ZBTB38: variants seen among roughly 807,000 people sequenced by gnomAD.
ZBTB38 encodes zinc finger and BTB domain-containing protein 38.
A neutral mutation model predicts 76.8 loss-of-function variants in ZBTB38; 20 were observed. The ratio of observed to expected loss-of-function variants is 0.26; its 90% CI spans 0.18 to 0.38. ZBTB38 has a LOEUF of 0.38. Among genes scored for constraint, ZBTB38 ranks in the 10% least tolerant of loss-of-function variants. The pLI, the probability that ZBTB38 is intolerant of heterozygous loss-of-function variation, is 1.00. For synonymous variants in ZBTB38, 504 were observed against 544.2 expected, an observed-to-expected ratio of 0.93 and a Z score of 1.03; for missense variants, 1,082 against 1,482.3, an observed-to-expected ratio of 0.73 and a Z score of 4.43.
intron 5 of ZBTB38, among the ~76,000 whole-genome samples, chr3:141,421,278 C>CT (rs77094062): frequency 0.02 from 2,501 of 125,610 alleles, 66 homozygotes; most frequent in African/African-American, 0.047. Context: ...AAACTTCTCT[C>CT]TTTTTTTTTT....
intron 5 of ZBTB38, among the ~76,000 whole-genome samples, chr3:141,430,880 G>A (rs940034375): frequency 2.0e-5 from 3 of 152,132 alleles, no homozygotes; most frequent in African/African-American, 7.2e-5. Flanking sequence ...AGCCCTTTGG[G>A]TTCACAAGGA....
At chr3:141,439,006 C>T (rs1039537769) in intron 5 of ZBTB38, among the ~76,000 whole-genome samples, 4 of 150,324 alleles carry the variant, frequency 2.7e-5, no homozygotes, top group African/African-American at 9.8e-5. Context: ...CTTCTGCTTA[C>T]AGCATCCTTC....
At chr3:141,430,981 T>C (rs2077366498) in intron 5 of ZBTB38, among the ~76,000 whole-genome samples, 1 of 152,058 alleles carries the variant, frequency 6.6e-6, no homozygotes, top group Non-Finnish European at 1.5e-5. Context: ...TGGGGAACTC[T>C]GGGACACATC....
intron 5 of ZBTB38, among the ~76,000 whole-genome samples, chr3:141,415,126 ACACT>A (rs1244174402): frequency 1.3e-5 from 2 of 152,114 alleles, no homozygotes; most frequent in Non-Finnish European, 2.9e-5. Flanking sequence ...TGGTTTCCCT[ACACT>A]CCATTTAAAC....
At chr3:141,393,342 G>T (rs948636373) in intron 4 of ZBTB38, among the ~76,000 whole-genome samples, 1 of 152,204 alleles carries the variant, frequency 6.6e-6, no homozygotes, top group South Asian at 2.1e-4. Context: ...TGAGCATGAC[G>T]TAGAGTCCCT....
intron 2 of ZBTB38, among the ~76,000 whole-genome samples, 155 bp downstream of exon 2, chr3:141,370,101 A>G (rs777168397): frequency 4.6e-5 from 7 of 152,254 alleles, no homozygotes; most frequent in Non-Finnish European, 1.0e-4. Flanking sequence ...GGATAGGCTA[A>G]TTGTTATAAT....
At position 141,399,646 on chromosome 3, in the gene ZBTB38, C is replaced by A. The variant is rs76011057; in HGVS notation, c.-105-4281C>A. On this transcript the variant is annotated intron_variant, in intron 4 of 5. Coordinates refer to ENST00000321464, the MANE Select transcript of ZBTB38 (RefSeq NM_001376113.1). ...CACGAATTAAATTAACAGAGTGCTG[C>A]TAGTATGAGAGTTGGAATGAGTTAA... Among the ~76,000 whole-genome samples, 551 of 152,158 alleles carry A rather than the reference C, an allele frequency of 3.6e-3. 21 individuals carry two copies. In the East Asian group the frequency reaches 0.079, roughly 22 times the overall value.
At chr3:141,400,624 T>C in intron 4 of ZBTB38, among the ~76,000 whole-genome samples, 1 of 152,228 alleles carries the variant, frequency 6.6e-6, no homozygotes, top group East Asian at 1.9e-4. Flanking sequence ...TCTCACTGTT[T>C]GGATGGTAGG....
intron 1 of ZBTB38, among the ~76,000 whole-genome samples, chr3:141,339,549 G>A (rs1486579847): frequency 6.6e-6 from 1 of 152,198 alleles, no homozygotes; most frequent in Non-Finnish European, 1.5e-5. Context: ...GTAAGAAGTG[G>A]TTGAATTTGT....
Position 141,431,341 on chromosome 3 carries a change from A to AAT in ZBTB38, c.1-11035_1-11034dup, listed in dbSNP as rs1553771301. Among the ~76,000 whole-genome samples, 204 of 103,248 alleles carry AAT rather than the reference A, an allele frequency of 2.0e-3. 6 individuals are homozygous for AAT. The highest frequency in any genetic ancestry group is 4.1e-3 in the Middle Eastern group (1 of 244). 67.7% of individuals were successfully genotyped at this position (103,248 alleles called of 152,430 possible). ...TTCGTCTCAAAAAAAAAAAAAAAAA[A>AAT]ATATATATATATATTTGGGGGGGAC... On this transcript the variant is annotated intron_variant, in intron 5 of 5. Transcript: ENST00000321464.
chr3:141,365,719 T>TGGTAGGTG (rs1483260195), upstream of ZBTB38, among the ~76,000 whole-genome samples: 13 of 152,130 alleles, frequency 8.5e-5, no homozygotes, highest in Non-Finnish European at 1.6e-4. Flanking sequence ...CATCTAGGGC[T>TGGTAGGTG]GGTAGGTGGG....
chr3:141,362,025 T>C (rs1943838626), intron 1 of ZBTB38, among the ~76,000 whole-genome samples: 1 of 152,254 alleles, frequency 6.6e-6, no homozygotes, highest in Non-Finnish European at 1.5e-5. Flanking sequence ...TATAATGTAC[T>C]TGGATCTTTT....
chr3:141,421,587 G>A (rs2075384026), intron 5 of ZBTB38, among the ~76,000 whole-genome samples: 2 of 152,258 alleles, frequency 1.3e-5, no homozygotes, highest in African/African-American at 4.8e-5. Flanking sequence ...CATTCAAAGG[G>A]CTGTCGTATG....
chr3:141,381,866 G>A (rs532579567), intron 3 of ZBTB38, among the ~76,000 whole-genome samples: 1 of 152,052 alleles, frequency 6.6e-6, no homozygotes, highest in Non-Finnish European at 1.5e-5. Flanking sequence ...GAACTGGAAG[G>A]GACCTGAGAC....
intron 2 of ZBTB38, among the ~76,000 whole-genome samples, chr3:141,379,925 G>A (rs1307276956): frequency 6.6e-6 from 1 of 152,172 alleles, no homozygotes; most frequent in Non-Finnish European, 1.5e-5. Flanking sequence ...AACAAATGTA[G>A]TATGATATTT....
intron 4 of ZBTB38, chr3:141,388,104 T>C (rs1170425327): frequency 6.7e-6 from 1 of 150,348 alleles, no homozygotes; most frequent in Admixed American, 6.6e-5. Flanking sequence ...AAAAGGGAGA[T>C]TTTTTTTAAA....
chr3:141,399,538 A>C (rs1022899286), intron 4 of ZBTB38, among the ~76,000 whole-genome samples: 7 of 152,188 alleles, frequency 4.6e-5, no homozygotes, highest in Non-Finnish European at 4.4e-5. Context: ...GAAGGGAAAG[A>C]GATAAGCAGC....
rs763849194 is a variant in ZBTB38, at chr3:141,445,037, C to T, written c.2649C>T (p.Pro883=). 1.9e-6 allele frequency: 3 copies of T among 1,614,160 alleles called. No individual in the cohort carries two copies. In the Admixed American group the frequency reaches 5.0e-5, roughly 27 times the overall value. ...EPLPQGNDPE[P]SGDSPLGLCQ... is the part of the protein sequence containing the mutation. ...TGCCACAGGGGAATGACCCAGAACC[C>T]AGTGGAGACAGCCCACTCGGGCTTT... The change falls in exon 6 of 6, where the codon CCC becomes CCT. Residue 883 remains proline (P), a synonymous_variant. Coordinates refer to ENST00000321464, the MANE Select transcript of ZBTB38 (RefSeq NM_001376113.1). This position sits in a 1 kb window ranked among gnomAD's most constrained non-coding sequence, Gnocchi z 6.5.
Position 141,444,916 on chromosome 3 carries a change from T to C in ZBTB38, c.2528T>C (p.Ile843Thr). Residue 843 changes from isoleucine (I) to threonine (T), a missense_variant, in exon 6 of 6, where the codon ATT becomes ACT. Physicochemically the swap from Ile to Thr is moderately conservative, Grantham distance 89. Coordinates refer to ENST00000321464, the MANE Select transcript of ZBTB38 (RefSeq NM_001376113.1). This position sits in a 1 kb window ranked among gnomAD's most constrained non-coding sequence, Gnocchi z 5.1. ...CCCCTTTGCCAAATAACAGTGAAAATTGGAAACGAAGCCATTGTGAAAAGG... is the reference window on the plus strand; with the variant it reads ...CCCCTTTGCCAAATAACAGTGAAAACTGGAAACGAAGCCATTGTGAAAAGG... ...VAPLCQITVK[I>T]GNEAIVKRHI... 2.5e-6 allele frequency: 4 copies of C among 1,613,934 alleles called. No individual in the cohort carries two copies. In the South Asian group the frequency reaches 3.3e-5, roughly 13 times the overall value.
Sources: gnomAD v4.1 joint callset for allele counts (sites outside exome capture counted in the v4.1 genomes callset) on GRCh38, gnomAD v4.1.1 for gene constraint, Gnocchi (gnomAD v3.1) non-coding constraint, MANE v1.5 for transcripts, NCBI Gene and HGNC (gene_info 2026-07-23, HGNC 2026-07-21) for gene names.